ESR1: variants seen among roughly 807,000 people sequenced by gnomAD.
ESR1 encodes the protein estrogen receptor.
In ESR1, 12 loss-of-function variants were observed where a neutral mutation model predicts 52.7. The ratio of observed to expected loss-of-function variants is 0.23; its 90% CI spans 0.15 to 0.37. The LOEUF (loss-of-function observed/expected upper bound fraction) is 0.37. Ranked by LOEUF, ESR1 falls within the 10% of genes least tolerant of loss-of-function variation. The probability of loss-of-function intolerance (pLI) is 1.00; values close to 1 mark genes in which losing one functional copy is unlikely to be tolerated. For synonymous variants in ESR1, 305 were observed against 316.8 expected (o/e 0.96, Z 0.39); for missense variants, 584 against 779.7 (o/e 0.75, Z 2.99).
intron 1 of ESR1, among the ~76,000 whole-genome samples, chr6:151,679,793 C>T (rs987679861): frequency 6.6e-5 from 10 of 152,162 alleles, no homozygotes; most frequent in Admixed American, 2.0e-4. Flanking sequence ...TGGGACACTC[C>T]GGTCTTTGCT....
At chr6:152,128,827 T>C (rs2054417415) in exon 7 of ESR1, 1 of 152,218 alleles carries the variant, frequency 6.6e-6, no homozygotes, top group African/African-American at 2.4e-5. Context: ...GTGAAGTTCA[T>C]TCTTCCCCAG....
At chr6:152,063,391 C>A (rs548833524) in intron 6 of ESR1, among the ~76,000 whole-genome samples, 12 of 152,252 alleles carry the variant, frequency 7.9e-5, no homozygotes, top group African/African-American at 2.9e-4. Context: ...CAAACAGAAG[C>A]TGTCTCTCAA....
At chr6:151,842,518 A>G (rs1386558546) in intron 1 of ESR1, 79 bp from the exon 2 acceptor site, 3 of 1,205,152 alleles carry the variant, frequency 2.5e-6, no homozygotes, top group Non-Finnish European at 3.6e-6. Flanking sequence ...GTCAGGATAA[A>G]GTGGATCTGC....
intron 1 of ESR1, among the ~76,000 whole-genome samples, chr6:151,836,143 G>A (rs376811354): frequency 3.3e-5 from 5 of 152,172 alleles, no homozygotes; most frequent in Admixed American, 6.5e-5. Flanking sequence ...GATAGGCAGA[G>A]TGTTTTGAAG....
intron 1 of ESR1, among the ~76,000 whole-genome samples, chr6:151,680,964 C>T (rs1348796118): frequency 1.3e-5 from 2 of 152,122 alleles, no homozygotes; most frequent in Non-Finnish European, 2.9e-5. Context: ...CAGGGGTAGA[C>T]GCCCCGTCTC....
intron 6 of ESR1, among the ~76,000 whole-genome samples, chr6:152,068,321 C>T (rs868845911): frequency 4.6e-5 from 7 of 152,230 alleles, no homozygotes; most frequent in African/African-American, 1.7e-4. Flanking sequence ...GATTCTAAGG[C>T]ATTCATAAGC....
At chr6:151,679,671 GC>G (rs1363663046) in intron 1 of ESR1, among the ~76,000 whole-genome samples, 5 of 152,218 alleles carry the variant, frequency 3.3e-5, no homozygotes, top group Admixed American at 6.5e-5. Context: ...GGCCCATGAG[GC>G]CCCACACACC....
intron 4 of ESR1, among the ~76,000 whole-genome samples, chr6:151,993,317 C>A (rs1277753017): frequency 6.6e-6 from 1 of 152,158 alleles, no homozygotes; most frequent in Non-Finnish European, 1.5e-5. Flanking sequence ...ATGAGACACC[C>A]AACGCCTTTG....
At chr6:151,978,356 C>T (rs530883249) in intron 4 of ESR1, among the ~76,000 whole-genome samples, 5 of 151,772 alleles carry the variant, frequency 3.3e-5, no homozygotes, top group African/African-American at 9.7e-5. Context: ...ATGGTCAATA[C>T]GAACATTAGG....
chr6:151,731,360 G>T (rs1483687047), intron 2 of ESR1, among the ~76,000 whole-genome samples: 1 of 140,596 alleles, frequency 7.1e-6, no homozygotes, highest in Non-Finnish European at 1.6e-5. Flanking sequence ...CATCTCTCAA[G>T]AAAAAAAAAA....
At chr6:151,890,540 T>G (rs1205636231) in intron 3 of ESR1, among the ~76,000 whole-genome samples, 1 of 152,250 alleles carries the variant, frequency 6.6e-6, no homozygotes, top group African/African-American at 2.4e-5. Context: ...CTTTCATTAT[T>G]GATTTTCTGT....
At chr6:151,814,836 T>C (rs1039105234) in intron 1 of ESR1, among the ~76,000 whole-genome samples, 1 of 152,198 alleles carries the variant, frequency 6.6e-6, no homozygotes, top group Admixed American at 6.5e-5. Flanking sequence ...GGAAGTCTTA[T>C]AGCATGAATA....
rs140341839 is a variant in ESR1, at chr6:151,931,243, G to A, written c.761-12930G>A. On this transcript the variant is annotated intron_variant, in intron 3 of 7. Coordinates refer to ENST00000206249, the MANE Select transcript of ESR1 (RefSeq NM_000125.4). ...GATTCTTTACATTTCAGTTGGGGAC[G>A]TTTCTGTTGACTTATCTTTCAGCTC... is the stretch of plus-strand genomic sequence containing the variant. Among the ~76,000 whole-genome samples the A allele has an allele frequency of 6.2e-4, 94 of 151,874 alleles. No individual in the cohort carries two copies. The East Asian group carries it at 9.3e-3, about 15-fold the overall frequency.
chr6:151,797,495 A>G (rs1776824684), intron 2 of ESR1, among the ~76,000 whole-genome samples: 1 of 152,248 alleles, frequency 6.6e-6, no homozygotes, highest in Admixed American at 6.5e-5. Flanking sequence ...TAGCATTGCA[A>G]GTAGCAACAG....
intron 2 of ESR1, among the ~76,000 whole-genome samples, chr6:151,850,734 A>G (rs1786526564): frequency 1.3e-5 from 2 of 151,730 alleles, no homozygotes; most frequent in African/African-American, 2.4e-5. Flanking sequence ...CAAACTGGGG[A>G]GTTAGTTATT....
chr6:152,009,107 CT>C (rs1490355112), intron 4 of ESR1, among the ~76,000 whole-genome samples: 1 of 152,082 alleles, frequency 6.6e-6, no homozygotes, highest in Non-Finnish European at 1.5e-5. Flanking sequence ...TGTTCCCTCC[CT>C]TCCCCCACCC....
intron 2 of ESR1, among the ~76,000 whole-genome samples, chr6:151,718,430 T>C (rs1026374257): frequency 2.0e-5 from 3 of 152,174 alleles, no homozygotes; most frequent in Non-Finnish European, 4.4e-5. Context: ...AATGAATTAT[T>C]TTTGGTGACC....
intron 1 of ESR1, among the ~76,000 whole-genome samples, chr6:151,672,085 G>A (rs549190521): frequency 1.3e-5 from 2 of 151,964 alleles, no homozygotes; most frequent in East Asian, 3.9e-4. Context: ...CTCCCACCTC[G>A]GCCTCCCAAA....
At position 152,052,187 on chromosome 6, in the gene ESR1, C is replaced by T. The variant is rs145526315; in HGVS notation, c.1236-8804C>T. Among the ~76,000 whole-genome samples the T allele has an allele frequency of 5.4e-4, 82 of 152,262 alleles. 1 individual carries two copies. The highest frequency in any genetic ancestry group is 1.9e-3 in the African/African-American group (79 of 41,554). ...CCAGGCTCCTTAAACGACCTGCTCT[C>T]CCATAAACTGAAAGAGCAAGAACTC... On this transcript the variant is annotated intron_variant, in intron 5 of 7. Transcript: ENST00000206249.
Sources: gnomAD v4.1 joint callset for allele counts (sites outside exome capture counted in the v4.1 genomes callset) on GRCh38, gnomAD v4.1.1 for gene constraint, MANE v1.5 for transcripts, NCBI Gene and HGNC (gene_info 2026-07-23, HGNC 2026-07-21) for gene names.